RNF128: variants seen among roughly 807,000 people sequenced by gnomAD.
The protein encoded by RNF128 is ring finger protein 128.
In RNF128, 13 loss-of-function variants were observed where a neutral mutation model predicts 26.2. The ratio of observed to expected loss-of-function variants is 0.50; its 90% CI spans 0.32 to 0.79. The LOEUF (loss-of-function observed/expected upper bound fraction) is 0.79. RNF128 is among the 30% of genes least tolerant of loss of function. The pLI, the probability that RNF128 is intolerant of heterozygous loss-of-function variation, is 0.03. For missense variants in RNF128, 315 were observed against 349.7 expected (o/e 0.90, Z 0.79); for synonymous variants, 149 against 142.5 (o/e 1.05, Z -0.32).
chrX:106,770,814 TGGA>T (rs775145588), intron 1 of RNF128, among the ~76,000 whole-genome samples: 41 of 112,367 alleles, frequency 3.6e-4, no homozygotes, highest in Non-Finnish European at 5.8e-4. Flanking sequence ...TGCATTCCTT[TGGA>T]GGAGAAGAGG....
chrX:106,795,719 G>A lies in RNF128; in HGVS notation c.*6G>A. The A allele has an allele frequency of 8.4e-7, 1 of 1,185,027 alleles. No individual in the cohort carries two copies. The highest frequency in any genetic ancestry group is 1.1e-6 in the Non-Finnish European group (1 of 882,275). ...TTCGAGAAATTAAATCTTAAAATCTGTGTAAATAGAAAACTTGAACCATTA... is the reference window on the plus strand; with the variant it reads ...TTCGAGAAATTAAATCTTAAAATCTATGTAAATAGAAAACTTGAACCATTA... On this transcript the variant is annotated 3_prime_UTR_variant, in exon 7 of 7. Transcript: ENST00000255499.
chrX:106,735,942 A>C (rs1929589558), intron 1 of RNF128, among the ~76,000 whole-genome samples: 1 of 109,170 alleles, frequency 9.2e-6, no homozygotes, highest in African/African-American at 3.3e-5. Context: ...TGCACATTCC[A>C]TGCCTTTCTT....
chrX:106,748,061 T>C (rs890075989), intron 1 of RNF128, among the ~76,000 whole-genome samples: 1 of 112,158 alleles, frequency 8.9e-6, no homozygotes, highest in Non-Finnish European at 1.9e-5. Flanking sequence ...AATGGAACCA[T>C]AGCTTTGATC....
At chrX:106,765,908 C>T (rs1346251295) in intron 1 of RNF128, among the ~76,000 whole-genome samples, 4 of 100,029 alleles carry the variant, frequency 4.0e-5, no homozygotes, top group Non-Finnish European at 8.1e-5. Context: ...GTGATGTTCC[C>T]CACCCTGTGT....
At chrX:106,707,782 T>C (rs974728710) in intron 1 of RNF128, among the ~76,000 whole-genome samples, 2 of 109,915 alleles carry the variant, frequency 1.8e-5, no homozygotes, top group African/African-American at 6.6e-5. Flanking sequence ...TTTGAGTCCT[T>C]GTTAAAAAGG....
chrX:106,744,452 C>T (rs763349308), intron 1 of RNF128, among the ~76,000 whole-genome samples: 157 of 111,035 alleles, frequency 1.4e-3, no homozygotes, highest in Non-Finnish European at 2.4e-3. Flanking sequence ...ATTACTTTAA[C>T]ATGAACTTAT....
chrX:106,736,938 T>C (rs1418946488), intron 1 of RNF128, among the ~76,000 whole-genome samples: 1 of 111,641 alleles, frequency 9.0e-6, no homozygotes, highest in African/African-American at 3.3e-5. Context: ...TACTAGTGTT[T>C]CTATTGTGGC....
chrX:106,769,140 C>G (rs1342618198), intron 1 of RNF128, among the ~76,000 whole-genome samples: 2 of 111,553 alleles, frequency 1.8e-5, no homozygotes, highest in African/African-American at 6.5e-5. Context: ...CCAACTATGT[C>G]GTCCATTTTG....
At chrX:106,769,620 G>T (rs1470922980) in intron 1 of RNF128, among the ~76,000 whole-genome samples, 1 of 92,092 alleles carries the variant, frequency 1.1e-5, no homozygotes, top group African/African-American at 4.0e-5. Flanking sequence ...GCCTATGTGT[G>T]TCTCTGCATG....
At chrX:106,747,131 G>A (rs377524911) in intron 1 of RNF128, among the ~76,000 whole-genome samples, 9 of 111,906 alleles carry the variant, frequency 8.0e-5, no homozygotes, top group African/African-American at 2.9e-4. Flanking sequence ...AGATTTATGA[G>A]TAAATCCTTG....
chrX:106,778,956 T>G (rs1930517529), intron 2 of RNF128, among the ~76,000 whole-genome samples: 1 of 112,154 alleles, frequency 8.9e-6, no homozygotes, highest in African/African-American at 3.2e-5. Flanking sequence ...ACTATTAACA[T>G]ATATACATTT....
chrX:106,719,563 C>G (rs1290446753), intron 1 of RNF128, among the ~76,000 whole-genome samples: 1 of 111,446 alleles, frequency 9.0e-6, no homozygotes, highest in East Asian at 2.8e-4. Flanking sequence ...ATTTACTAAA[C>G]TGATTTTATC....
chrX:106,731,845 C>T (rs770843296), intron 1 of RNF128, among the ~76,000 whole-genome samples: 15 of 111,513 alleles, frequency 1.3e-4, no homozygotes, highest in Non-Finnish European at 1.9e-4. Flanking sequence ...GTTCCTGTGT[C>T]TTCTCATGGG....
chrX:106,770,350 G>A (rs1473372526), intron 1 of RNF128, among the ~76,000 whole-genome samples: 1 of 111,559 alleles, frequency 9.0e-6, no homozygotes, highest in African/African-American at 3.3e-5. Flanking sequence ...TTTCCGACGT[G>A]GTTCCATTCT....
At chrX:106,729,357 A>T (rs371283175) in intron 1 of RNF128, among the ~76,000 whole-genome samples, 1 of 110,829 alleles carries the variant, frequency 9.0e-6, no homozygotes, top group Admixed American at 9.6e-5. Context: ...AGCCTTGGAT[A>T]CCCCATCTGT....
In RNF128 at chrX:106,754,410, C is replaced by CTTTTTTTTTT. The variant is rs150895665; in HGVS notation, c.485-18481_485-18472dup. Among the ~76,000 whole-genome samples the CTTTTTTTTTT allele has an allele frequency of 1.9e-3, 67 of 35,767 alleles. 5 individuals carry two copies. Among genetic ancestry groups the CTTTTTTTTTT allele is most frequent in the African/African-American group, 7.5e-3 (57 of 7,553 alleles). 31.1% of individuals were successfully genotyped at this position (35,767 alleles called of 115,157 possible). On this transcript the variant is annotated intron_variant, in intron 1 of 6. Transcript: ENST00000255499. ...CCACACCTGGCAATGTTTTCTTTCT[C>CTTTTTTTTTT]TTTTTTTTTTTTTTTTTTTTTTTTT... is the stretch of plus-strand genomic sequence containing the variant.
intron 1 of RNF128, among the ~76,000 whole-genome samples, chrX:106,770,617 C>T (rs184721927): frequency 9.0e-6 from 1 of 111,555 alleles, no homozygotes; most frequent in Non-Finnish European, 1.9e-5. Context: ...TTAAGGACTT[C>T]TCTACACTGT....
intron 1 of RNF128, among the ~76,000 whole-genome samples, chrX:106,703,290 T>C (rs986754515): frequency 8.9e-6 from 1 of 112,078 alleles, no homozygotes; most frequent in Non-Finnish European, 1.9e-5. Context: ...TGTTTTTCCT[T>C]CCCCTTTATG....
At chrX:106,790,414 A>G (rs1930801828) in intron 5 of RNF128, 132 bp downstream of exon 5, 2 of 389,649 alleles carry the variant, frequency 5.1e-6, no homozygotes, top group South Asian at 1.3e-4. Flanking sequence ...AGACATATTT[A>G]TATCATATAG....
Sources: allele counts gnomAD v4.1 joint callset (sites outside exome capture counted in the v4.1 genomes callset), GRCh38; gene constraint gnomAD v4.1.1; transcripts MANE v1.5; gene names NCBI Gene and HGNC (gene_info 2026-07-23, HGNC 2026-07-21).